Variants in SPOCK2 observed in about 807,000 individuals in gnomAD.
SPOCK2 encodes the protein testican-2.
Under a neutral mutation model 60.1 loss-of-function variants are expected in SPOCK2, and 39 were observed. The observed-to-expected ratio is 0.65, with a 90% confidence interval of 0.50 to 0.85. The LOEUF (loss-of-function observed/expected upper bound fraction) is 0.85. Among genes scored for constraint, SPOCK2 ranks in the 40% least tolerant of loss-of-function variants. The pLI is 0.00. For missense variants in SPOCK2, 523 were observed against 567.4 expected, an observed-to-expected ratio of 0.92 and a Z score of 0.80; for synonymous variants, 217 against 231.5, an observed-to-expected ratio of 0.94 and a Z score of 0.57.
rs999703552 is a variant in SPOCK2 at position 72,060,424 on chromosome 10, T to G, written c.*2336A>C. 1 of 151,996 alleles carries G rather than the reference T, an allele frequency of 6.6e-6. No homozygotes were observed. The highest frequency in any genetic ancestry group is 6.6e-5 in the Admixed American group (1 of 15,266). The allele number at this position is 151,996 out of a possible 1,614,324, so 9.4% of individuals were successfully genotyped here. A position where few individuals can be genotyped will look rare whatever the true frequency, so the allele number is the denominator to read the frequency against. The stretch of plus-strand genomic sequence containing the variant: ...CGTGTCCCAGGAGCGGAGGGTGACA[T>G]CAAGAGGACAGGGGACACCCTTCCT... On this transcript the variant is annotated 3_prime_UTR_variant, in exon 11 of 11. Coordinates refer to ENST00000373109, the MANE Select transcript of SPOCK2 (RefSeq NM_001244950.2).
chr10:72,081,397 C>T (rs754869068), intron 1 of SPOCK2, among the ~76,000 whole-genome samples: 40 of 152,368 alleles, frequency 2.6e-4, no homozygotes, highest in Non-Finnish European at 5.3e-4. Flanking sequence ...CTGGGCCTGG[C>T]TTGTCCTTCT....
At chr10:72,068,054 G>A in intron 6 of SPOCK2, 133 bp downstream of exon 6, 2 of 1,050,506 alleles carry the variant, frequency 1.9e-6, no homozygotes, top group Non-Finnish European at 2.8e-6. Context: ...TGACCTCACA[G>A]CTCCCTCAAG....
intron 1 of SPOCK2, chr10:72,086,882 G>A: frequency 6.4e-7 from 1 of 1,551,016 alleles, no homozygotes; most frequent in Non-Finnish European, 8.7e-7. Flanking sequence ...TATGAAGCAT[G>A]TGTGTTTTAA....
In SPOCK2 at chr10:72,087,722, C is replaced by T. The variant is rs1840880567; in HGVS notation, c.189+418G>A. ...CAGACCTGCCGGTGCTGCAGTGCCC[C>T]GTATGTGCAGCCTGCAGCATCCCAG... On this transcript the variant is annotated intron_variant, in intron 1 of 10. Coordinates refer to ENST00000373109, the MANE Select transcript of SPOCK2 (RefSeq NM_001244950.2). The surrounding 1 kb of genome is among the most constrained non-coding windows in gnomAD (Gnocchi z 4.7). 6.6e-6 allele frequency among the ~76,000 whole-genome samples: 1 copy of T among 152,234 alleles called. No homozygotes were observed. Among genetic ancestry groups the T allele is most frequent in the Admixed American group, 6.5e-5 (1 of 15,290 alleles).
At chr10:72,078,903 A>G (rs1840750177) in intron 1 of SPOCK2, among the ~76,000 whole-genome samples, 1 of 152,236 alleles carries the variant, frequency 6.6e-6, no homozygotes, top group South Asian at 2.1e-4. Context: ...TTAAATAGCC[A>G]GTTCCTTGAG....
At position 72,062,827 on chromosome 10, in the gene SPOCK2, G is replaced by A. The variant is rs1840512013; in HGVS notation, c.1208C>T (p.Ala403Val). 1.2e-6 allele frequency: 2 copies of A among 1,609,634 alleles called. No homozygotes were observed. Among genetic ancestry groups the A allele is most frequent in the Non-Finnish European group, 8.5e-7 (1 of 1,179,426 alleles). Residue 403 changes from alanine to valine, a missense_variant, in exon 11 of 11, where the codon GCA becomes GTA. Coordinates refer to ENST00000373109, the MANE Select transcript of SPOCK2 (RefSeq NM_001244950.2). This position sits in a 1 kb window ranked among gnomAD's most constrained non-coding sequence, Gnocchi z 4.3. ...CTCCTCCTCCTCGGCCTCCTCGCCT[G>A]CTTCCTCCGTCTCCTTCTCCTCCTC... is the stretch of plus-strand genomic sequence containing the variant. ...EDEEEKETEE[A>V]GEEAEEEEGE...
chr10:72,081,996 G>T (rs1391541405), intron 1 of SPOCK2, among the ~76,000 whole-genome samples: 1 of 152,178 alleles, frequency 6.6e-6, no homozygotes. Context: ...CTGGGGATGG[G>T]GTGGTAAGGT....
chr10:72,072,330 G>A (rs1840658499), intron 3 of SPOCK2, 72 bp from the exon 4 acceptor site: 2 of 1,455,252 alleles, frequency 1.4e-6, no homozygotes, highest in Non-Finnish European at 1.8e-6. Flanking sequence ...CTTCTGAGCT[G>A]GGAGGCCTCT....
At position 72,063,115 on chromosome 10, in the gene SPOCK2, G is replaced by C; in HGVS notation, c.1039C>G (p.Gln347Glu). The change falls in exon 10 of 11, where the codon CAG (glutamine) becomes GAG (glutamate). Residue 347 changes from glutamine (Q) to glutamate (E), a missense_variant. Transcript: ENST00000373109. ...CAGTCACCGCTGCTCTGGTCACACTGCATCTTCCGGTAGTAGCCATCCTCG... is the reference window on the plus strand; with the variant it reads ...CAGTCACCGCTGCTCTGGTCACACTCCATCTTCCGGTAGTAGCCATCCTCG... Reference protein sequence around the residue: ...CDEDGYYRKMQCDQSSGDCWC... With the variant: ...CDEDGYYRKMECDQSSGDCWC... 1 of 1,556,130 alleles carries C rather than the reference G, an allele frequency of 6.4e-7. No individual in the cohort carries two copies. The highest frequency in any genetic ancestry group is 1.2e-5 in the South Asian group (1 of 84,324).
chr10:72,079,117 T>C (rs1330009497), intron 1 of SPOCK2, among the ~76,000 whole-genome samples: 1 of 152,200 alleles, frequency 6.6e-6, no homozygotes, highest in Non-Finnish European at 1.5e-5. Flanking sequence ...GATGATAAAA[T>C]TGAGGCTCAG....
chr10:72,067,093 C>G lies in SPOCK2; in HGVS notation c.737G>C (p.Cys246Ser). 6.2e-7 allele frequency: 1 copy of G among 1,614,088 alleles called. No individual in the cohort carries two copies. Among genetic ancestry groups the G allele is most frequent in the Non-Finnish European group, 8.5e-7 (1 of 1,180,014 alleles). Residue 246 changes from cysteine (C) to serine (S), a missense_variant, in exon 8 of 11, where the codon TGC becomes TCC. Cys to Ser is a moderately radical substitution (Grantham distance 112, BLOSUM62 -1). Coordinates refer to ENST00000373109, the MANE Select transcript of SPOCK2 (RefSeq NM_001244950.2). ...GAACATCCAGCCAATGGAGTCCTTG[C>G]AGCTGGCCCCCAGGCTCTTGTCCAG... is the stretch of plus-strand genomic sequence containing the variant. ...SGLDKSLGAS[C>S]KDSIGWMFSK...
chr10:72,073,650 G>A (rs970068770), intron 1 of SPOCK2, among the ~76,000 whole-genome samples: 6 of 152,176 alleles, frequency 3.9e-5, no homozygotes, highest in Non-Finnish European at 8.8e-5. Flanking sequence ...CAGGTCTCCC[G>A]ATGCCCAGCA....
intron 9 of SPOCK2, 82 bp downstream of exon 9, chr10:72,064,096 C>T: frequency 6.5e-7 from 1 of 1,547,062 alleles, no homozygotes. Context: ...CCATGAGGCC[C>T]AAGGCTGGAG....
intron 4 of SPOCK2, among the ~76,000 whole-genome samples, chr10:72,071,233 A>G (rs1840643124): frequency 6.6e-6 from 1 of 150,800 alleles, no homozygotes; most frequent in African/African-American, 2.4e-5. Context: ...TCTGTCACCC[A>G]GGCTGGAGTG....
At position 72,072,793 on chromosome 10, in the gene SPOCK2, T is replaced by C. The variant is rs1840667542; in HGVS notation, c.198+109A>G. 4.6e-6 allele frequency: 7 copies of C among 1,507,060 alleles called. No homozygotes were observed. The South Asian group carries it at 4.8e-5, about 10-fold the overall frequency. 93.4% of individuals were successfully genotyped at this position (1,507,060 alleles called of 1,614,324 possible). On this transcript the variant is annotated intron_variant, in intron 2 of 10. Transcript: ENST00000373109. ...GCTCCTGATTGCTCCCATGCCACAC[T>C]GGAGGCTGGCAGGGAAGGCAAGTCA...
At position 72,067,651 on chromosome 10, in the gene SPOCK2, T is replaced by C; in HGVS notation, c.671A>G (p.Gln224Arg). Residue 224 changes from glutamine (Q) to arginine (R), a missense_variant, in exon 7 of 11, where the codon CAG becomes CGG. Physicochemically the swap from Gln to Arg is conservative, Grantham distance 43. Coordinates refer to ENST00000373109, the MANE Select transcript of SPOCK2 (RefSeq NM_001244950.2). The part of the protein sequence containing the change: ...WFQLLHENSK[Q>R]NGSASSVAGP... ...GGCTACACTGCTGGCTGAGCCATTC[T>C]GCTTGGAGTTCTCATGAAGGAGCTG... 6.2e-7 allele frequency: 1 copy of C among 1,613,808 alleles called. No homozygotes were observed.
intron 8 of SPOCK2, among the ~76,000 whole-genome samples, chr10:72,064,500 A>C (rs1840541549): frequency 6.6e-6 from 1 of 152,128 alleles, no homozygotes; most frequent in Admixed American, 6.5e-5. Context: ...CCATGAGAGG[A>C]GTAACAGGAT....
At chr10:72,085,898 T>C (rs993105054) in intron 1 of SPOCK2, among the ~76,000 whole-genome samples, 1 of 152,186 alleles carries the variant, frequency 6.6e-6, no homozygotes, top group African/African-American at 2.4e-5. Context: ...GTAGTGCTGG[T>C]GGGGACCCTG....
Position 72,087,118 on chromosome 10 carries a change from C to T in SPOCK2, c.189+1022G>A. 1 of 1,038,200 alleles carries T rather than the reference C, an allele frequency of 9.6e-7. No homozygotes were observed. The highest frequency in any genetic ancestry group is 1.7e-5 in the South Asian group (1 of 60,150). 64.3% of individuals were successfully genotyped at this position (1,038,200 alleles called of 1,614,324 possible). A position where few individuals can be genotyped will look rare whatever the true frequency, so the allele number is the denominator to read the frequency against. ...GCGCATCCGGGCCCATCCCCCACAG[C>T]ACCCCCAACGATCTCGGGGTCCAGC... On this transcript the variant is annotated intron_variant, in intron 1 of 10. Transcript: ENST00000373109. This position sits in a 1 kb window ranked among gnomAD's most constrained non-coding sequence, Gnocchi z 4.7.
Sources: allele counts gnomAD v4.1 joint callset (sites outside exome capture counted in the v4.1 genomes callset), GRCh38; gene constraint gnomAD v4.1.1; non-coding constraint Gnocchi (gnomAD v3.1); transcripts MANE v1.5; gene names NCBI Gene and HGNC (gene_info 2026-07-23, HGNC 2026-07-21).